Variants in ZFHX4 observed in about 807,000 individuals in gnomAD.
ZFHX4 encodes zinc finger homeobox protein 4.
Under a neutral mutation model 267.6 loss-of-function variants are expected in ZFHX4, and 56 were observed. The observed-to-expected ratio is 0.21, with a 90% CI of 0.17 to 0.26. The LOEUF (loss-of-function observed/expected upper bound fraction) is 0.26, where lower values mean the gene tolerates loss of function less well. Among genes scored for constraint, ZFHX4 ranks in the 10% least tolerant of loss-of-function variants. The pLI is 1.00. For missense variants in ZFHX4, 4,332 were observed against 4,420.0 expected, an observed-to-expected ratio of 0.98 and a Z score of 0.56; for synonymous variants, 1,778 against 1,665.6, an observed-to-expected ratio of 1.07 and a Z score of -1.64.
chr8:76,683,488 G>C (rs1394929680), intron 1 of ZFHX4, among the ~76,000 whole-genome samples: 1 of 151,122 alleles, frequency 6.6e-6, no homozygotes, highest in East Asian at 2.0e-4. Context: ...ACAGAGGCAG[G>C]TTCACCAGGA....
intron 4 of ZFHX4, among the ~76,000 whole-genome samples, chr8:76,807,407 T>A (rs1301838823): frequency 1.3e-5 from 2 of 151,990 alleles, no homozygotes; most frequent in Admixed American, 1.3e-4. Context: ...AAAAATAGAT[T>A]CTGAACAAGC....
chr8:76,742,475 G>A (rs1395924025), intron 3 of ZFHX4, among the ~76,000 whole-genome samples: 1 of 152,056 alleles, frequency 6.6e-6, no homozygotes, highest in Non-Finnish European at 1.5e-5. Context: ...ATTTTTAGAA[G>A]GCCTGAGAGT....
chr8:76,791,712 A>G lies in ZFHX4; in HGVS notation c.3325+13273A>G, dbSNP rs115872351. On this transcript the variant is annotated intron_variant, in intron 4 of 10. Coordinates refer to ENST00000651372, the MANE Select transcript of ZFHX4 (RefSeq NM_024721.5). ...TATTAAGTGGGGGTAATCACCTAAC[A>G]TCTCAGAGATTCTATGTCTTCATCT... is the stretch of plus-strand genomic sequence containing the variant. 2.6e-3 allele frequency among the ~76,000 whole-genome samples: 389 copies of G among 152,288 alleles called. 2 individuals carry two copies. The highest frequency in any genetic ancestry group is 8.9e-3 in the African/African-American group (370 of 41,578).
At chr8:76,713,126 T>G (rs1808469364) in intron 3 of ZFHX4, among the ~76,000 whole-genome samples, 1 of 152,166 alleles carries the variant, frequency 6.6e-6, no homozygotes, top group East Asian at 1.9e-4. Flanking sequence ...CGGCTATGTG[T>G]TATAACATGG....
chr8:76,722,612 T>C (rs1281877149), intron 3 of ZFHX4, among the ~76,000 whole-genome samples: 1 of 151,842 alleles, frequency 6.6e-6, no homozygotes, highest in Non-Finnish European at 1.5e-5. Flanking sequence ...TATGTGTTTT[T>C]TTTTTGCAAG....
intron 3 of ZFHX4, among the ~76,000 whole-genome samples, chr8:76,723,628 A>G (rs572843353): frequency 1.3e-5 from 2 of 151,366 alleles, no homozygotes; most frequent in South Asian, 2.1e-4. Context: ...CCCAGACTCT[A>G]TGCTAGGAAA....
At chr8:76,733,926 C>T (rs1353367700) in intron 3 of ZFHX4, among the ~76,000 whole-genome samples, 1 of 152,134 alleles carries the variant, frequency 6.6e-6, no homozygotes, top group African/African-American at 2.4e-5. Flanking sequence ...ATTGAATGTC[C>T]TCATGCATGC....
At chr8:76,842,541 A>T in intron 5 of ZFHX4, 114 bp from the exon 6 acceptor site, 1 of 680,074 alleles carries the variant, frequency 1.5e-6, no homozygotes, top group Non-Finnish European at 2.5e-6. Flanking sequence ...TTTGAGTATG[A>T]ATATCTGCAG....
At chr8:76,768,944 A>G (rs1419212051) in intron 3 of ZFHX4, among the ~76,000 whole-genome samples, 1 of 152,158 alleles carries the variant, frequency 6.6e-6, no homozygotes, top group Admixed American at 6.5e-5. Flanking sequence ...CAAAGATAAG[A>G]AAGTTGAGCT....
At chr8:76,703,956 A>G in intron 1 of ZFHX4, 87 bp from the exon 2 acceptor site, 1 of 948,856 alleles carries the variant, frequency 1.1e-6, no homozygotes, top group Non-Finnish European at 1.5e-6. Context: ...AGTCACGTTT[A>G]CAGCAGCTGT....
At chr8:76,757,714 C>T (rs1409244496) in intron 3 of ZFHX4, among the ~76,000 whole-genome samples, 1 of 152,162 alleles carries the variant, frequency 6.6e-6, no homozygotes, top group Non-Finnish European at 1.5e-5. Flanking sequence ...ACACAGTCCT[C>T]CTGATTTACA....
intron 1 of ZFHX4, among the ~76,000 whole-genome samples, chr8:76,687,413 G>C (rs1807718225): frequency 6.6e-6 from 1 of 152,170 alleles, no homozygotes. Context: ...CCCATGAAGA[G>C]GACATTGTTA....
At chr8:76,812,550 A>G (rs1422647180) in intron 4 of ZFHX4, among the ~76,000 whole-genome samples, 1 of 152,230 alleles carries the variant, frequency 6.6e-6, no homozygotes, top group African/African-American at 2.4e-5. Flanking sequence ...GGTATTATTA[A>G]GCCAAATTTA....
In ZFHX4 at chr8:76,852,961, C is replaced by G. The variant is rs549031430; in HGVS notation, c.6040C>G (p.Pro2014Ala). The change falls in exon 10 of 11, where the codon CCG becomes GCG. Residue 2014 changes from proline (P) to alanine (A), a missense_variant. Physicochemically the swap from Pro to Ala is conservative, Grantham distance 27. Coordinates refer to ENST00000651372, the MANE Select transcript of ZFHX4 (RefSeq NM_024721.5). ...PPPPPPPPLP[P>A]APPQPSSMGP... ...GCCACCTCCTCCTCCTCCCTTGCCT[C>G]CGGCTCCTCCACAGCCTTCTTCTAT... 1.3e-6 allele frequency: 2 copies of G among 1,567,286 alleles called. No homozygotes were observed. The highest frequency in any genetic ancestry group is 3.8e-5 in the Admixed American group (2 of 52,404).
intron 4 of ZFHX4, among the ~76,000 whole-genome samples, chr8:76,797,804 A>C (rs1282249280): frequency 6.6e-6 from 1 of 152,034 alleles, no homozygotes. Context: ...TGTAACTATA[A>C]GAGGTATTTT....
intron 4 of ZFHX4, among the ~76,000 whole-genome samples, chr8:76,815,108 A>T (rs762162220): frequency 2.6e-5 from 4 of 152,204 alleles, no homozygotes; most frequent in Non-Finnish European, 5.9e-5. Flanking sequence ...CAAGAGAGTG[A>T]GGGAAATTAT....
intron 8 of ZFHX4, 189 bp downstream of exon 8, chr8:76,849,901 CA>C (rs1812466584): frequency 6.3e-6 from 4 of 630,746 alleles, no homozygotes; most frequent in Non-Finnish European, 8.2e-6. Flanking sequence ...AAATATGGTA[CA>C]AGGCATAGCT....
At chr8:76,858,612 T>A (rs1166705673) in intron 10 of ZFHX4, among the ~76,000 whole-genome samples, 2 of 152,208 alleles carry the variant, frequency 1.3e-5, no homozygotes, top group Non-Finnish European at 2.9e-5. Flanking sequence ...TTTATTAGGT[T>A]AATTTACTTA....
intron 4 of ZFHX4, among the ~76,000 whole-genome samples, chr8:76,831,213 C>G (rs1194421772): frequency 2.6e-5 from 4 of 152,068 alleles, no homozygotes; most frequent in Non-Finnish European, 5.9e-5. Flanking sequence ...TTTTTATTTT[C>G]ATTAATCTTT....
Sources: allele counts gnomAD v4.1 joint callset (sites outside exome capture counted in the v4.1 genomes callset), GRCh38; gene constraint gnomAD v4.1.1; transcripts MANE v1.5; gene names NCBI Gene and HGNC (gene_info 2026-07-23, HGNC 2026-07-21).